The following GRIK4 variants were observed in gnomAD, a reference collection of about 807,000 sequenced individuals.
GRIK4 encodes the protein glutamate ionotropic receptor kainate type subunit 4, also known as glutamate receptor ionotropic, kainate 4.
GRIK4 carries 40 observed loss-of-function variants against 104.9 expected under a neutral mutation model. The observed-to-expected ratio is 0.38, with a 90% confidence interval of 0.30 to 0.50. The LOEUF (loss-of-function observed/expected upper bound fraction) is 0.50, where lower values mean the gene tolerates loss of function less well. Among genes scored for constraint, GRIK4 ranks in the 20% least tolerant of loss-of-function variants. The probability of loss-of-function intolerance (pLI) is 0.93; values close to 1 mark genes in which losing one functional copy is unlikely to be tolerated. For missense variants in GRIK4, 1,047 were observed against 1,308.1 expected (o/e 0.80, Z 3.08); for synonymous variants, 485 against 524.9 (o/e 0.92, Z 1.04).
At chr11:120,602,851 C>T (rs1948904990) in intron 1 of GRIK4, among the ~76,000 whole-genome samples, 1 of 152,122 alleles carries the variant, frequency 6.6e-6, no homozygotes, top group Non-Finnish European at 1.5e-5. Context: ...TGCAGATGTG[C>T]ACCACCAGGC....
chr11:120,919,389 T>G (rs1265440820), intron 13 of GRIK4, among the ~76,000 whole-genome samples: 2 of 152,096 alleles, frequency 1.3e-5, no homozygotes, highest in East Asian at 1.9e-4. Flanking sequence ...TTAAAGAAGA[T>G]GAGTAATATT....
chr11:120,611,438 A>G (rs1327860763), intron 1 of GRIK4, among the ~76,000 whole-genome samples: 2 of 152,344 alleles, frequency 1.3e-5, no homozygotes, highest in African/African-American at 4.8e-5. Context: ...GTCTGCATGC[A>G]TGCACGTGTG....
intron 3 of GRIK4, among the ~76,000 whole-genome samples, chr11:120,768,583 T>C (rs566516784): frequency 2.5e-4 from 38 of 152,348 alleles, no homozygotes; most frequent in African/African-American, 8.9e-4. Flanking sequence ...CATACTATAC[T>C]GAATAGAAGT....
intron 3 of GRIK4, among the ~76,000 whole-genome samples, chr11:120,771,187 A>C (rs1351302860): frequency 6.6e-6 from 1 of 152,194 alleles, no homozygotes; most frequent in Non-Finnish European, 1.5e-5. Flanking sequence ...CCACAGAGAA[A>C]ACTTCAGTCT....
chr11:120,609,711 A>G (rs1949009763), intron 1 of GRIK4, among the ~76,000 whole-genome samples: 1 of 150,946 alleles, frequency 6.6e-6, no homozygotes, highest in Non-Finnish European at 1.5e-5. Context: ...ATGCGGTTTC[A>G]CCATGTTGGC....
At chr11:120,821,938 G>A (rs1199641512) in intron 6 of GRIK4, among the ~76,000 whole-genome samples, 2 of 152,132 alleles carry the variant, frequency 1.3e-5, no homozygotes, top group Non-Finnish European at 2.9e-5. Context: ...AAATCGGTGC[G>A]GTGGCTCACA....
chr11:120,704,495 T>C (rs1281430549), intron 3 of GRIK4, among the ~76,000 whole-genome samples: 1 of 152,214 alleles, frequency 6.6e-6, no homozygotes, highest in African/African-American at 2.4e-5. Context: ...CTTCGAAGCC[T>C]GCACGTAATT....
intron 11 of GRIK4, among the ~76,000 whole-genome samples, chr11:120,876,662 G>A: frequency 6.6e-6 from 1 of 152,108 alleles, no homozygotes. Flanking sequence ...CAGGGTGACT[G>A]ACTGACTTAT....
intron 1 of GRIK4, among the ~76,000 whole-genome samples, chr11:120,625,358 G>A (rs1055292457): frequency 1.3e-5 from 2 of 152,154 alleles, no homozygotes; most frequent in African/African-American, 2.4e-5. Flanking sequence ...AATGGCAGAT[G>A]AGCACCCGGC....
intron 1 of GRIK4, among the ~76,000 whole-genome samples, chr11:120,542,177 T>C (rs964871730): frequency 1.3e-5 from 2 of 152,174 alleles, no homozygotes; most frequent in Non-Finnish European, 2.9e-5. Flanking sequence ...CTAATCTTCA[T>C]CAGAGGCACA....
chr11:120,901,255 C>A (rs1167597144), intron 12 of GRIK4, among the ~76,000 whole-genome samples: 1 of 152,062 alleles, frequency 6.6e-6, no homozygotes, highest in Non-Finnish European at 1.5e-5. Context: ...GCCCAGCCCA[C>A]CTCGCCTTCT....
At chr11:120,633,334 G>A (rs532482887) in intron 1 of GRIK4, among the ~76,000 whole-genome samples, 2 of 152,304 alleles carry the variant, frequency 1.3e-5, no homozygotes, top group East Asian at 3.9e-4. Context: ...GGACTCCCAG[G>A]CCTTCTCGAT....
intron 3 of GRIK4, among the ~76,000 whole-genome samples, chr11:120,718,197 T>C (rs905259857): frequency 1.1e-4 from 16 of 152,170 alleles, no homozygotes; most frequent in Admixed American, 9.8e-4. Context: ...GACTCAGCCC[T>C]GGAGTTCCTA....
Position 120,524,785 on chromosome 11 carries a change from G to A in GRIK4, c.-159+12898G>A, listed in dbSNP as rs938730992. Among the ~76,000 whole-genome samples the A allele has an allele frequency of 6.6e-6, 1 of 152,184 alleles. No individual in the cohort carries two copies. Among genetic ancestry groups the A allele is most frequent in the East Asian group, 1.9e-4 (1 of 5,192 alleles). The stretch of plus-strand genomic sequence containing the variant: ...GCTAGGGGCTGCCTGCATCCTGGGG[G>A]CATTTATCATCACGCGGAGCTAGTT... On this transcript the variant is annotated intron_variant, in intron 1 of 20. Transcript: ENST00000527524. This position sits in a 1 kb window ranked among gnomAD's most constrained non-coding sequence, Gnocchi z 4.5.
In GRIK4 at chr11:120,588,451, G is replaced by A. The variant is rs570068724; in HGVS notation, c.-158-65234G>A. Among the ~76,000 whole-genome samples, 98 of 152,256 alleles carry A rather than the reference G, an allele frequency of 6.4e-4. 1 individual carries two copies. The highest frequency in any genetic ancestry group is 2.1e-3 in the African/African-American group (86 of 41,552). ...ATGGTCTCAATGGGATGGGGAGACC[G>A]CAGGCACGACACAGGGTCTTTCCTT... On this transcript the variant is annotated intron_variant, in intron 1 of 20. Coordinates refer to ENST00000527524, the MANE Select transcript of GRIK4 (RefSeq NM_014619.5).
intron 1 of GRIK4, among the ~76,000 whole-genome samples, chr11:120,518,357 C>T (rs987922850): frequency 2.0e-5 from 3 of 152,184 alleles, no homozygotes; most frequent in African/African-American, 7.2e-5. Flanking sequence ...CTCATAGTGT[C>T]TCTCCTAGCC....
intron 4 of GRIK4, among the ~76,000 whole-genome samples, chr11:120,810,886 C>T: frequency 6.6e-6 from 1 of 152,114 alleles, no homozygotes; most frequent in East Asian, 1.9e-4. Context: ...GAAACAAAGT[C>T]ACAGGTGCTA....
chr11:120,870,832 C>A (rs576061078), intron 9 of GRIK4: 2 of 151,982 alleles, frequency 1.3e-5, no homozygotes, highest in African/African-American at 4.8e-5. Context: ...CTGCAGCCGC[C>A]GCCTCCCAGG....
chr11:120,809,116 GA>G (rs1952774874), intron 4 of GRIK4, among the ~76,000 whole-genome samples: 1 of 152,158 alleles, frequency 6.6e-6, no homozygotes, highest in Non-Finnish European at 1.5e-5. Flanking sequence ...CCGGAGGAGG[GA>G]CCCTGTGAAG....
Sources: gnomAD v4.1 joint callset for allele counts (sites outside exome capture counted in the v4.1 genomes callset) on GRCh38, gnomAD v4.1.1 for gene constraint, Gnocchi (gnomAD v3.1) non-coding constraint, MANE v1.5 for transcripts, NCBI Gene and HGNC (gene_info 2026-07-23, HGNC 2026-07-21) for gene names.